The following SGMS1 variants were observed in gnomAD, a reference collection of about 807,000 sequenced individuals.
The protein encoded by SGMS1 is sphingomyelin synthase 1.
A neutral mutation model predicts 46.2 loss-of-function variants in SGMS1; 13 were observed. The observed-to-expected ratio is 0.28, with a 90% CI of 0.18 to 0.45. SGMS1 has a LOEUF of 0.45. Among genes scored for constraint, SGMS1 ranks in the 20% least tolerant of loss-of-function variants. The pLI is 1.00. For synonymous variants in SGMS1, 203 were observed against 187.8 expected, an observed-to-expected ratio of 1.08 and a Z score of -0.66; for missense variants, 324 against 519.9, an observed-to-expected ratio of 0.62 and a Z score of 3.66.
intron 7 of SGMS1, 101 bp from the exon 8 acceptor site, chr10:50,327,423 T>G: frequency 1.4e-6 from 1 of 723,292 alleles, no homozygotes; most frequent in South Asian, 1.7e-5. Flanking sequence ...CCCCAAAAAC[T>G]ACTTGAGAAC....
chr10:50,337,847 A>C (rs1266963360), intron 7 of SGMS1, among the ~76,000 whole-genome samples: 1 of 150,948 alleles, frequency 6.6e-6, no homozygotes, highest in Non-Finnish European at 1.5e-5. Context: ...TAAGGCCCCC[A>C]AAAGGCTTAT....
intron 1 of SGMS1, among the ~76,000 whole-genome samples, chr10:50,598,933 C>CA (rs1431388567): frequency 5.9e-5 from 9 of 152,066 alleles, no homozygotes; most frequent in East Asian, 3.8e-4. Context: ...TATACATCTG[C>CA]ACAAATATCA....
At chr10:50,474,031 C>T (rs1040833294) in intron 3 of SGMS1, 2 of 152,250 alleles carry the variant, frequency 1.3e-5, no homozygotes, top group Admixed American at 6.5e-5. Context: ...AACACTTAAG[C>T]TCAGGACAAT....
intron 3 of SGMS1, among the ~76,000 whole-genome samples, chr10:50,507,037 G>A (rs550835440): frequency 6.6e-6 from 1 of 152,272 alleles, no homozygotes; most frequent in Admixed American, 6.5e-5. Context: ...ACACACAGCT[G>A]CTCTAGTCCA....
chr10:50,516,433 C>T (rs927579683), intron 3 of SGMS1, among the ~76,000 whole-genome samples: 1 of 152,150 alleles, frequency 6.6e-6, no homozygotes, highest in African/African-American at 2.4e-5. Flanking sequence ...ATATCTAAGA[C>T]TCTGCATAGA....
intron 6 of SGMS1, among the ~76,000 whole-genome samples, chr10:50,410,601 G>C (rs1849081982): frequency 6.6e-6 from 1 of 151,942 alleles, no homozygotes; most frequent in South Asian, 2.1e-4. Context: ...ACAAAAATAT[G>C]TTCTGTGTCT....
intron 3 of SGMS1, among the ~76,000 whole-genome samples, chr10:50,516,680 A>C (rs1837809338): frequency 6.6e-6 from 1 of 152,200 alleles, no homozygotes; most frequent in Non-Finnish European, 1.5e-5. Flanking sequence ...TCCTTAGGTG[A>C]AATAAAGGAA....
intron 3 of SGMS1, among the ~76,000 whole-genome samples, chr10:50,517,389 C>A (rs1837815572): frequency 6.6e-6 from 1 of 152,074 alleles, no homozygotes; most frequent in Non-Finnish European, 1.5e-5. Context: ...AAAAAACATA[C>A]CCATTTGAAT....
At chr10:50,619,542 G>A (rs908722688) in intron 1 of SGMS1, among the ~76,000 whole-genome samples, 1 of 152,198 alleles carries the variant, frequency 6.6e-6, no homozygotes. Flanking sequence ...GGGGCCTGGG[G>A]GGTGCTGGGA....
intron 3 of SGMS1, among the ~76,000 whole-genome samples, chr10:50,487,601 C>A (rs1837532506): frequency 6.6e-6 from 1 of 152,004 alleles, no homozygotes; most frequent in Admixed American, 6.6e-5. Context: ...TTGTATGTTT[C>A]TTATCTTATA....
intron 6 of SGMS1, among the ~76,000 whole-genome samples, chr10:50,415,448 A>T (rs985790429): frequency 6.6e-6 from 1 of 152,132 alleles, no homozygotes; most frequent in Non-Finnish European, 1.5e-5. Flanking sequence ...GATTACTCCC[A>T]AGTGGTTTTA....
At chr10:50,556,779 A>G (rs1168278822) in intron 2 of SGMS1, among the ~76,000 whole-genome samples, 2 of 152,200 alleles carry the variant, frequency 1.3e-5, no homozygotes, top group Non-Finnish European at 2.9e-5. Flanking sequence ...AACAGCAAAA[A>G]CAGTATTATA....
chr10:50,311,973 T>G (rs1254700774), intron 8 of SGMS1, among the ~76,000 whole-genome samples: 1 of 152,168 alleles, frequency 6.6e-6, no homozygotes, highest in Non-Finnish European at 1.5e-5. Context: ...TAGGTAACAT[T>G]GAATAATTTT....
chr10:50,496,481 T>C (rs937284274), intron 3 of SGMS1, among the ~76,000 whole-genome samples: 1 of 152,014 alleles, frequency 6.6e-6, no homozygotes, highest in Non-Finnish European at 1.5e-5. Flanking sequence ...CACCAAACAC[T>C]ACCCAGAAAA....
intron 1 of SGMS1, among the ~76,000 whole-genome samples, chr10:50,621,715 A>G (rs1838851455): frequency 6.6e-6 from 1 of 152,258 alleles, no homozygotes; most frequent in South Asian, 2.1e-4. Flanking sequence ...GCTCACTATC[A>G]TCACTGAAGA....
At chr10:50,589,343 C>T (rs1180756144) in intron 2 of SGMS1, among the ~76,000 whole-genome samples, 1 of 152,104 alleles carries the variant, frequency 6.6e-6, no homozygotes, top group East Asian at 1.9e-4. Flanking sequence ...CTTACTACAC[C>T]CTCCAACTCC....
intron 6 of SGMS1, among the ~76,000 whole-genome samples, chr10:50,350,396 T>C (rs910329616): frequency 2.0e-5 from 3 of 152,158 alleles, no homozygotes; most frequent in Non-Finnish European, 4.4e-5. Flanking sequence ...AAAAACACAT[T>C]TTCCTGGGAG....
chr10:50,521,124 C>A (rs538948042), intron 2 of SGMS1, among the ~76,000 whole-genome samples: 1 of 152,242 alleles, frequency 6.6e-6, no homozygotes, highest in South Asian at 2.1e-4. Context: ...CCCACCTCAG[C>A]CTTCCAAAGT....
chr10:50,372,312 T>C (rs1848448999), intron 6 of SGMS1, among the ~76,000 whole-genome samples: 1 of 152,176 alleles, frequency 6.6e-6, no homozygotes, highest in African/African-American at 2.4e-5. Context: ...AAACTTACTT[T>C]TCCCCAAATA....
Sources: gnomAD v4.1 joint callset for allele counts (sites outside exome capture counted in the v4.1 genomes callset) on GRCh38, gnomAD v4.1.1 for gene constraint, MANE v1.5 for transcripts, NCBI Gene and HGNC (gene_info 2026-07-23, HGNC 2026-07-21) for gene names.